The following NEK10 variants were observed in gnomAD, a reference collection of about 807,000 sequenced individuals.
NEK10 encodes the protein NIMA related kinase 10, also known as serine/threonine-protein kinase Nek10.
In NEK10, 122 loss-of-function variants were observed where a neutral mutation model predicts 159.8. That is an observed-to-expected ratio of 0.76 (90% CI 0.66 to 0.89). The LOEUF (loss-of-function observed/expected upper bound fraction) is 0.89. NEK10 is among the 40% of genes least tolerant of loss of function. The pLI is 0.00. For synonymous variants in NEK10, 466 were observed against 457.1 expected (o/e 1.02, Z -0.25); for missense variants, 1,342 against 1,323.1 (o/e 1.01, Z -0.22).
At chr3:27,134,087 G>T (rs549233789) in intron 31 of NEK10, among the ~76,000 whole-genome samples, 1 of 151,738 alleles carries the variant, frequency 6.6e-6, no homozygotes, top group Non-Finnish European at 1.5e-5. Flanking sequence ...GGGGGTGCAG[G>T]GAGAGAGAGA....
At chr3:27,245,792 G>A (rs930433922) in intron 23 of NEK10, among the ~76,000 whole-genome samples, 1 of 152,092 alleles carries the variant, frequency 6.6e-6, no homozygotes, top group Non-Finnish European at 1.5e-5. Flanking sequence ...GTAAATACAT[G>A]AGGAAACTTC....
intron 22 of NEK10, among the ~76,000 whole-genome samples, chr3:27,261,608 TC>T (rs2040419432): frequency 2.0e-5 from 3 of 152,212 alleles, no homozygotes; most frequent in Non-Finnish European, 4.4e-5. Context: ...TAATTTCTGT[TC>T]TTTTACATTT....
intron 17 of NEK10, 27 bp downstream of exon 17, chr3:27,291,457 C>T (rs779059178): frequency 4.4e-6 from 7 of 1,600,928 alleles, no homozygotes; most frequent in Non-Finnish European, 6.0e-6. Context: ...TAGCAGCCTG[C>T]CAAAATATTG....
rs770976524 is a variant in NEK10 at position 27,293,652 on chromosome 3, A to G, written c.1309T>C (p.Cys437Arg). 1.3e-6 allele frequency: 2 copies of G among 1,531,828 alleles called. No homozygotes were observed. The highest frequency in any genetic ancestry group is 1.8e-6 in the Non-Finnish European group (2 of 1,113,866). 94.9% of individuals were successfully genotyped at this position (1,531,828 alleles called of 1,614,324 possible). A position where few individuals can be genotyped will look rare whatever the true frequency, so the allele number is the denominator to read the frequency against. ...KNAAKSNLLQ[C>R]YAFRALRFLF... ...AATCTCAAGGCTCTGAAAGCATAAC[A>G]CTAGAAAACAAAAGGATATGTGATT... Residue 437 changes from cysteine to arginine, a missense_variant and splice_region_variant, in exon 16 of 36, where the codon TGT (cysteine) becomes CGT (arginine). Cys to Arg is a radical substitution (Grantham distance 180). Coordinates refer to ENST00000691995, the MANE Select transcript of NEK10 (RefSeq NM_001394966.1).
intron 7 of NEK10, 148 bp from the exon 8 acceptor site, chr3:27,312,325 G>A (rs542701670): frequency 1.2e-4 from 58 of 493,246 alleles, no homozygotes; most frequent in South Asian, 6.0e-4. Context: ...AACAGTTATC[G>A]CTCAAGTGCA....
Position 27,202,411 on chromosome 3 carries a change from C to A in NEK10, c.2220+17G>T. 1 of 1,598,282 alleles carries A rather than the reference C, an allele frequency of 6.3e-7. No individual in the cohort carries two copies. Among genetic ancestry groups the A allele is most frequent in the Non-Finnish European group, 8.5e-7 (1 of 1,169,788 alleles). Reference sequence around the variant, plus strand: ...TTTTAGCTACACGAGACCCTTCTGTCTCCCAGCGTTGCTTACTTTTGTAGC... The same window carrying A: ...TTTTAGCTACACGAGACCCTTCTGTATCCCAGCGTTGCTTACTTTTGTAGC... On this transcript the variant is annotated intron_variant, in intron 24 of 35. Transcript: ENST00000691995.
chr3:27,364,348 TTGTGTGTGTGTGTGTG>T (rs4016621), intron 1 of NEK10, among the ~76,000 whole-genome samples: 5,723 of 120,624 alleles, frequency 0.047, 166 homozygotes, highest in East Asian at 0.072. Flanking sequence ...GCCTGGCTAA[TTGTGTGTGTGTGTGTG>T]TGTGTGTGTG....
chr3:27,336,981 A>C (rs2046844647), intron 5 of NEK10, among the ~76,000 whole-genome samples: 1 of 151,840 alleles, frequency 6.6e-6, no homozygotes, highest in Non-Finnish European at 1.5e-5. Context: ...TGGAAGTCCT[A>C]GCCAGAACAA....
At chr3:27,299,064 G>A (rs910320389) in intron 13 of NEK10, among the ~76,000 whole-genome samples, 1 of 152,150 alleles carries the variant, frequency 6.6e-6, no homozygotes, top group African/African-American at 2.4e-5. Flanking sequence ...AAGTAATGAG[G>A]AGCCAAATGT....
At chr3:27,234,454 T>C (rs1343256895) in intron 23 of NEK10, among the ~76,000 whole-genome samples, 3 of 152,062 alleles carry the variant, frequency 2.0e-5, no homozygotes, top group African/African-American at 7.2e-5. Flanking sequence ...TCACTAGCAT[T>C]CCTATACACC....
At chr3:27,271,843 A>G (rs984005821) in intron 22 of NEK10, among the ~76,000 whole-genome samples, 4 of 146,578 alleles carry the variant, frequency 2.7e-5, no homozygotes, top group African/African-American at 9.8e-5. Flanking sequence ...TTTTGCATAC[A>G]GCACATTATG....
intron 13 of NEK10, among the ~76,000 whole-genome samples, chr3:27,301,193 A>T (rs533780032): frequency 1.5e-4 from 23 of 152,332 alleles, no homozygotes; most frequent in African/African-American, 5.5e-4. Context: ...GCCAAAAAGC[A>T]TTGATGCATT....
intron 28 of NEK10, among the ~76,000 whole-genome samples, chr3:27,173,406 T>C (rs932564091): frequency 6.6e-6 from 1 of 152,152 alleles, no homozygotes; most frequent in African/African-American, 2.4e-5. Flanking sequence ...TTATACATGT[T>C]TATATGCATA....
At chr3:27,187,653 C>T (rs770701532) in intron 26 of NEK10, among the ~76,000 whole-genome samples, 12 of 151,042 alleles carry the variant, frequency 7.9e-5, no homozygotes, top group Non-Finnish European at 1.5e-4. Context: ...CATTAAAAAG[C>T]GGGTATGTAC....
At chr3:27,276,490 G>C (rs1457869933) in intron 22 of NEK10, among the ~76,000 whole-genome samples, 1 of 152,200 alleles carries the variant, frequency 6.6e-6, no homozygotes. Context: ...CAGGAGGTCA[G>C]AGCAAGGAGC....
At chr3:27,141,417 T>G in intron 31 of NEK10, 65 bp downstream of exon 31, 1 of 1,214,448 alleles carries the variant, frequency 8.2e-7, no homozygotes, top group Non-Finnish European at 1.2e-6. Context: ...AAAATAGTTC[T>G]TCAGCAATAT....
At chr3:27,339,048 A>G (rs961978987) in intron 5 of NEK10, among the ~76,000 whole-genome samples, 9 of 152,228 alleles carry the variant, frequency 5.9e-5, no homozygotes, top group African/African-American at 2.2e-4. Context: ...TTCATCAACA[A>G]GCGACTAATA....
intron 26 of NEK10, among the ~76,000 whole-genome samples, chr3:27,188,061 A>T (rs1053906714): frequency 3.9e-5 from 6 of 152,174 alleles, no homozygotes; most frequent in Non-Finnish European, 7.3e-5. Flanking sequence ...TCCTTGTGCA[A>T]TTAAAACATA....
At chr3:27,278,838 T>C in intron 22 of NEK10, 2 of 985,126 alleles carry the variant, frequency 2.0e-6, no homozygotes, top group Non-Finnish European at 2.4e-6. Flanking sequence ...TGTAATGTGA[T>C]GGCACAATAT....
Sources: gnomAD v4.1 joint callset for allele counts (sites outside exome capture counted in the v4.1 genomes callset) on GRCh38, gnomAD v4.1.1 for gene constraint, MANE v1.5 for transcripts, NCBI Gene and HGNC (gene_info 2026-07-23, HGNC 2026-07-21) for gene names.